STK33: variants seen among roughly 807,000 people sequenced by gnomAD.
The protein encoded by STK33 is serine/threonine kinase 33.
A neutral mutation model predicts 58.0 loss-of-function variants in STK33; 52 were observed. The observed-to-expected ratio is 0.90, with a 90% CI of 0.72 to 1.13. The LOEUF is 1.13. Among genes scored for constraint, STK33 ranks in the 50% most tolerant of loss-of-function variants. The probability of loss-of-function intolerance (pLI) is 0.00; values close to 1 mark genes in which losing one functional copy is unlikely to be tolerated. For synonymous variants in STK33, 215 were observed against 200.1 expected, an observed-to-expected ratio of 1.07 and a Z score of -0.63; for missense variants, 630 against 604.2, an observed-to-expected ratio of 1.04 and a Z score of -0.45.
At chr11:8,555,706 A>G (rs1956696856) in intron 1 of STK33, among the ~76,000 whole-genome samples, 1 of 152,038 alleles carries the variant, frequency 6.6e-6, no homozygotes, top group South Asian at 2.1e-4. Flanking sequence ...AAAGAAAGTA[A>G]ATTTTAATTA....
At chr11:8,566,661 T>C (rs1349617666) in intron 1 of STK33, among the ~76,000 whole-genome samples, 2 of 152,216 alleles carry the variant, frequency 1.3e-5, no homozygotes. Flanking sequence ...AGATGACTTT[T>C]TATTATGTTT....
chr11:8,566,372 T>C (rs987092761), intron 1 of STK33, among the ~76,000 whole-genome samples: 1 of 152,220 alleles, frequency 6.6e-6, no homozygotes, highest in East Asian at 1.9e-4. Context: ...TATCTCTTAG[T>C]AAACACTCAA....
In STK33 at chr11:8,496,103, A is replaced by T. The variant is rs547170712; in HGVS notation, c.-465-15489T>A. Reference sequence around the variant, plus strand: ...CCTAGAACTTAAAGTATAATAAAAAATTTTTTTTGAAAAAGAAAAGAAAAA... The same window carrying T: ...CCTAGAACTTAAAGTATAATAAAAATTTTTTTTTGAAAAAGAAAAGAAAAA... On this transcript the variant is annotated intron_variant, in intron 1 of 15. Coordinates refer to ENST00000687296, the MANE Select transcript of STK33 (RefSeq NM_001352389.2). 1.7e-3 allele frequency among the ~76,000 whole-genome samples: 261 copies of T among 152,124 alleles called. 1 individual carries two copies. The highest frequency in any genetic ancestry group is 6.0e-3 in the African/African-American group (249 of 41,512).
rs537582530 is a variant in STK33 at position 8,547,274 on chromosome 11, G to C, written c.-466+46809C>G. Among the ~76,000 whole-genome samples the C allele has an allele frequency of 2.6e-4, 39 of 152,290 alleles. 1 individual carries two copies. The South Asian group carries it at 7.3e-3, about 28-fold the overall frequency. The stretch of plus-strand genomic sequence containing the variant: ...TTGTTGCCCAGGCTGGAGTGCAATG[G>C]TGCAATCTCGGCTCACTGAAACCTC... On this transcript the variant is annotated intron_variant, in intron 1 of 15. Coordinates refer to ENST00000687296, the MANE Select transcript of STK33 (RefSeq NM_001352389.2).
intron 10 of STK33, among the ~76,000 whole-genome samples, chr11:8,454,157 T>C (rs1222760598): frequency 1.3e-5 from 2 of 152,208 alleles, no homozygotes; most frequent in African/African-American, 4.8e-5. Flanking sequence ...CAGAGTGAGT[T>C]ACTCACAGAC....
At chr11:8,393,912 G>A (rs986976648) in intron 15 of STK33, among the ~76,000 whole-genome samples, 3 of 152,132 alleles carry the variant, frequency 2.0e-5, no homozygotes, top group African/African-American at 7.2e-5. Context: ...AAATCCACCT[G>A]ATGTTTGCTT....
chr11:8,565,296 A>G (rs1957373977), intron 1 of STK33, among the ~76,000 whole-genome samples: 1 of 152,268 alleles, frequency 6.6e-6, no homozygotes, highest in South Asian at 2.1e-4. Flanking sequence ...AAAAATACCA[A>G]CCCCCATCTC....
At chr11:8,573,393 T>C (rs577582130) in intron 1 of STK33, among the ~76,000 whole-genome samples, 40 of 152,270 alleles carry the variant, frequency 2.6e-4, no homozygotes, top group African/African-American at 9.1e-4. Context: ...TGAAGTATCA[T>C]CAATCAGAAA....
chr11:8,585,222 AT>A (rs34448251), intron 1 of STK33, among the ~76,000 whole-genome samples: 380 of 89,302 alleles, frequency 4.3e-3, no homozygotes, highest in African/African-American at 0.01. Context: ...TGCACCCAGC[AT>A]TTTTTTTTTT....
At chr11:8,408,951 T>C (rs976101826) in intron 15 of STK33, among the ~76,000 whole-genome samples, 34 of 152,310 alleles carry the variant, frequency 2.2e-4, no homozygotes, top group African/African-American at 8.2e-4. Flanking sequence ...CATGGTCACG[T>C]AGGCAGCCTC....
the STK33 span, among the ~76,000 whole-genome samples, chr11:8,380,824 G>A: frequency 2.0e-5 from 3 of 152,204 alleles, no homozygotes; most frequent in East Asian, 1.9e-4. Flanking sequence ...GCAAAGATAC[G>A]GAACCAACCT....
At chr11:8,534,269 G>A (rs142566078) in intron 1 of STK33, among the ~76,000 whole-genome samples, 1 of 147,420 alleles carries the variant, frequency 6.8e-6, no homozygotes, top group African/African-American at 2.5e-5. Flanking sequence ...GAGCAAGACT[G>A]CATCTCAAAA....
At chr11:8,445,034 T>A (rs1385021449) in intron 11 of STK33, among the ~76,000 whole-genome samples, 2 of 152,036 alleles carry the variant, frequency 1.3e-5, no homozygotes, top group East Asian at 3.9e-4. Context: ...ATGGAATGTT[T>A]TCCATTTGTG....
At chr11:8,543,108 T>C (rs1180866790) in intron 1 of STK33, among the ~76,000 whole-genome samples, 1 of 152,182 alleles carries the variant, frequency 6.6e-6, no homozygotes, top group East Asian at 1.9e-4. Context: ...TACTCATTCA[T>C]TAGATTCCCC....
At chr11:8,364,197 G>A in the STK33 span, among the ~76,000 whole-genome samples, 1 of 152,212 alleles carries the variant, frequency 6.6e-6, no homozygotes, top group Non-Finnish European at 1.5e-5. Context: ...TGCACATGTG[G>A]AGCCAAATGG....
At chr11:8,378,188 G>A in the STK33 span, among the ~76,000 whole-genome samples, 1 of 152,200 alleles carries the variant, frequency 6.6e-6, no homozygotes, top group Non-Finnish European at 1.5e-5. Context: ...TTCTTCACAT[G>A]GCAGCAGCAG....
At chr11:8,472,924 T>A (rs1027335483) in intron 6 of STK33, among the ~76,000 whole-genome samples, 3 of 152,204 alleles carry the variant, frequency 2.0e-5, no homozygotes, top group African/African-American at 7.2e-5. Flanking sequence ...GAAACTATCC[T>A]CATTTTAGCT....
chr11:8,570,131 G>A (rs1957707528), intron 1 of STK33, among the ~76,000 whole-genome samples: 1 of 151,952 alleles, frequency 6.6e-6, no homozygotes. Context: ...CTTTATAAAG[G>A]ATATATGAGT....
chr11:8,483,021 G>A (rs538560839), intron 1 of STK33, among the ~76,000 whole-genome samples: 1 of 152,192 alleles, frequency 6.6e-6, no homozygotes, highest in East Asian at 1.9e-4. Context: ...GTGAGCCAAC[G>A]CACCCGGCCA....
Sources: gnomAD v4.1 joint callset for allele counts (sites outside exome capture counted in the v4.1 genomes callset) on GRCh38, gnomAD v4.1.1 for gene constraint, MANE v1.5 for transcripts, NCBI Gene and HGNC (gene_info 2026-07-23, HGNC 2026-07-21) for gene names.